The following PPP2R2B variants were observed in gnomAD, a reference collection of about 807,000 sequenced individuals.
The protein encoded by PPP2R2B is serine/threonine-protein phosphatase 2A 55 kDa regulatory subunit B beta isoform.
Under a neutral mutation model 46.0 loss-of-function variants are expected in PPP2R2B, and 5 were observed. The observed-to-expected ratio is 0.11, with a 90% CI of 0.06 to 0.23. PPP2R2B has a LOEUF of 0.23. Among genes scored for constraint, PPP2R2B ranks in the 10% least tolerant of loss-of-function variants. The pLI is 1.00. For synonymous variants in PPP2R2B, 215 were observed against 206.7 expected (o/e 1.04, Z -0.34); for missense variants, 367 against 575.0 (o/e 0.64, Z 3.70).
At chr5:146,829,316 T>C (rs552719220) in intron 2 of PPP2R2B, among the ~76,000 whole-genome samples, 1 of 152,360 alleles carries the variant, frequency 6.6e-6, no homozygotes, top group South Asian at 2.1e-4. Flanking sequence ...GGCTAAATTA[T>C]ATTTTGGTGG....
intron 1 of PPP2R2B, among the ~76,000 whole-genome samples, chr5:146,987,974 T>G (rs1434866767): frequency 6.6e-6 from 1 of 152,060 alleles, no homozygotes; most frequent in South Asian, 2.1e-4. Flanking sequence ...GTAGCTATAC[T>G]TATATCAGAT....
intron 1 of PPP2R2B, among the ~76,000 whole-genome samples, chr5:146,970,205 C>G (rs193160373): frequency 9.8e-4 from 149 of 152,262 alleles, no homozygotes; most frequent in Middle Eastern, 3.4e-3. Flanking sequence ...CAAGGCTGCA[C>G]AGTAAGTGGC....
In PPP2R2B at chr5:146,979,558, A is replaced by AACACAC. The variant is rs34864782; in HGVS notation, c.79+76101_79+76106dup. 6.4e-3 allele frequency among the ~76,000 whole-genome samples: 873 copies of AACACAC among 137,340 alleles called. 10 individuals are homozygous for AACACAC. The highest frequency in any genetic ancestry group is 0.02 in the African/African-American group (751 of 37,752). 90.1% of individuals were successfully genotyped at this position (137,340 alleles called of 152,430 possible). A position where few individuals can be genotyped will look rare whatever the true frequency, so the allele number is the denominator to read the frequency against. On this transcript the variant is annotated intron_variant, in intron 1 of 8. Coordinates refer to the PPP2R2B transcript ENST00000336640. ...CCAATATTGAATCTTCCCACCTTGAAACACACACACACACACACACACACA... is the reference window on the plus strand; with the variant it reads ...CCAATATTGAATCTTCCCACCTTGAAACACACACACACACACACACACACACACACA...
chr5:146,696,076 CCCG>C (rs1779159223), intron 4 of PPP2R2B, among the ~76,000 whole-genome samples: 1 of 151,896 alleles, frequency 6.6e-6, no homozygotes, highest in South Asian at 2.1e-4. Context: ...TTCCCATCCC[CCCG>C]CCAACAAAGT....
intron 5 of PPP2R2B, among the ~76,000 whole-genome samples, chr5:146,677,829 G>A (rs1012235102): frequency 1.2e-4 from 18 of 152,116 alleles, no homozygotes; most frequent in African/African-American, 4.3e-4. Flanking sequence ...CTCCTGGCCC[G>A]CTGTGACTAT....
chr5:146,655,356 C>G (rs1776255155), intron 5 of PPP2R2B, among the ~76,000 whole-genome samples: 1 of 152,188 alleles, frequency 6.6e-6, no homozygotes, highest in Non-Finnish European at 1.5e-5. Context: ...CAGAGAGTGG[C>G]ACGGCTTCCC....
intron 1 of PPP2R2B, chr5:147,054,491 A>C: frequency 2.8e-6 from 1 of 360,404 alleles, no homozygotes; most frequent in South Asian, 2.1e-5. Flanking sequence ...CTGTAAAAAA[A>C]AAGTCCATGA....
intron 5 of PPP2R2B, chr5:146,656,362 G>A (rs1344099003): frequency 6.5e-6 from 1 of 152,784 alleles, no homozygotes; most frequent in Non-Finnish European, 1.5e-5. Flanking sequence ...TCAGAGTACA[G>A]GAGGAACAAT....
chr5:146,971,974 T>C (rs534355289), intron 1 of PPP2R2B, among the ~76,000 whole-genome samples: 1 of 152,288 alleles, frequency 6.6e-6, no homozygotes, highest in Non-Finnish European at 1.5e-5. Context: ...TTACCTAAAC[T>C]TCAAATTTTA....
chr5:147,055,108 C>T (rs113122413), intron 1 of PPP2R2B, among the ~76,000 whole-genome samples: 4 of 152,294 alleles, frequency 2.6e-5, no homozygotes, highest in African/African-American at 9.6e-5. Context: ...ACTTAGGACC[C>T]CCAGAAACCA....
chr5:146,606,403 G>C (rs1363532671), intron 7 of PPP2R2B, among the ~76,000 whole-genome samples: 2 of 152,330 alleles, frequency 1.3e-5, no homozygotes, highest in South Asian at 2.1e-4. Flanking sequence ...TCCAAACACA[G>C]TGGCCTGGGT....
intron 5 of PPP2R2B, among the ~76,000 whole-genome samples, chr5:146,676,678 C>T (rs1777739046): frequency 1.3e-5 from 2 of 152,208 alleles, no homozygotes; most frequent in African/African-American, 2.4e-5. Flanking sequence ...ACATTAGGAG[C>T]ATTTTATGCA....
At chr5:147,074,262 G>C (rs1011169857) in intron 2 of PPP2R2B, among the ~76,000 whole-genome samples, 2 of 152,156 alleles carry the variant, frequency 1.3e-5, no homozygotes, top group African/African-American at 4.8e-5. Flanking sequence ...GAGATTATCT[G>C]ATTACAAATT....
chr5:146,662,859 A>G (rs1314964651), intron 5 of PPP2R2B, among the ~76,000 whole-genome samples: 3 of 152,152 alleles, frequency 2.0e-5, no homozygotes, highest in African/African-American at 7.2e-5. Context: ...ACAGCTCAGT[A>G]AAAATATGGG....
chr5:146,645,866 C>T (rs1775547820), intron 6 of PPP2R2B, among the ~76,000 whole-genome samples: 1 of 152,168 alleles, frequency 6.6e-6, no homozygotes. Context: ...ACTCTCTGGG[C>T]TTCAAAAATA....
intron 2 of PPP2R2B, among the ~76,000 whole-genome samples, chr5:146,822,455 A>T (rs778044825): frequency 3.5e-4 from 52 of 150,014 alleles, no homozygotes; most frequent in Admixed American, 2.3e-3. Flanking sequence ...TACTCTCCAC[A>T]TTCATTACTG....
At chr5:146,691,008 C>T (rs1043869787) in intron 5 of PPP2R2B, 120 bp downstream of exon 5, 5 of 765,152 alleles carry the variant, frequency 6.5e-6, no homozygotes, top group Admixed American at 2.7e-5. Flanking sequence ...TAGGCTGAGT[C>T]TCTGCCTACG....
intron 5 of PPP2R2B, among the ~76,000 whole-genome samples, chr5:146,661,799 A>C (rs1056251868): frequency 6.6e-6 from 1 of 152,296 alleles, no homozygotes; most frequent in East Asian, 1.9e-4. Flanking sequence ...TTTTATGCCA[A>C]TATCACTATT....
At chr5:146,637,469 G>A (rs1774897901) in intron 7 of PPP2R2B, among the ~76,000 whole-genome samples, 1 of 152,138 alleles carries the variant, frequency 6.6e-6, no homozygotes, top group Non-Finnish European at 1.5e-5. Flanking sequence ...GTTAAGAAAT[G>A]CTTATCTATA....
Sources: allele counts gnomAD v4.1 joint callset (sites outside exome capture counted in the v4.1 genomes callset), GRCh38; gene constraint gnomAD v4.1.1; transcripts MANE v1.5; gene names NCBI Gene and HGNC (gene_info 2026-07-23, HGNC 2026-07-21).